SPAG16: variants seen among roughly 807,000 people sequenced by gnomAD.
SPAG16 encodes the protein sperm associated antigen 16.
A neutral mutation model predicts 80.4 loss-of-function variants in SPAG16; 86 were observed. The ratio of observed to expected loss-of-function variants is 1.07; its 90% CI spans 0.90 to 1.28. The LOEUF (loss-of-function observed/expected upper bound fraction) is 1.28. SPAG16 is among the 50% of genes most tolerant of loss of function. The probability of loss-of-function intolerance (pLI) is 0.00; values close to 1 mark genes in which losing one functional copy is unlikely to be tolerated. For missense variants in SPAG16, 870 were observed against 765.3 expected (o/e 1.14, Z -1.61); for synonymous variants, 294 against 265.9 (o/e 1.11, Z -1.03).
At chr2:213,725,499 G>A (rs1427934933) in intron 10 of SPAG16, among the ~76,000 whole-genome samples, 1 of 152,138 alleles carries the variant, frequency 6.6e-6, no homozygotes, top group Non-Finnish European at 1.5e-5. Flanking sequence ...CTACAAAACT[G>A]GTGGCACAGA....
intron 5 of SPAG16, among the ~76,000 whole-genome samples, chr2:213,318,251 G>C (rs900492511): frequency 6.6e-6 from 1 of 151,934 alleles, no homozygotes; most frequent in African/African-American, 2.4e-5. Flanking sequence ...TGGAATCAAC[G>C]TAAGTGTCCA....
At chr2:213,980,631 A>ATG (rs1202395098) in intron 12 of SPAG16, among the ~76,000 whole-genome samples, 1 of 144,564 alleles carries the variant, frequency 6.9e-6, no homozygotes, top group Non-Finnish European at 1.5e-5. Flanking sequence ...TATAGAATAT[A>ATG]TGTGTGTATA....
At chr2:213,574,089 T>C (rs1348108332) in intron 10 of SPAG16, among the ~76,000 whole-genome samples, 2 of 152,220 alleles carry the variant, frequency 1.3e-5, no homozygotes, top group Non-Finnish European at 2.9e-5. Flanking sequence ...TTTGATATGT[T>C]TATTTTTATC....
At chr2:213,359,848 G>A (rs969502203) in intron 7 of SPAG16, among the ~76,000 whole-genome samples, 1 of 152,126 alleles carries the variant, frequency 6.6e-6, no homozygotes, top group Non-Finnish European at 1.5e-5. Flanking sequence ...TCTGTCTTCT[G>A]TGTTGATCAC....
intron 10 of SPAG16, among the ~76,000 whole-genome samples, chr2:213,643,603 C>A (rs2062706554): frequency 6.7e-6 from 1 of 149,448 alleles, no homozygotes; most frequent in Non-Finnish European, 1.5e-5. Context: ...CTTTCTACCC[C>A]TATCTCTTTT....
chr2:213,358,515 A>G (rs2065798376), intron 7 of SPAG16, among the ~76,000 whole-genome samples: 1 of 152,184 alleles, frequency 6.6e-6, no homozygotes. Context: ...TCGATCTTCA[A>G]TCACTGATAT....
At chr2:213,745,620 A>G (rs1301993869) in intron 10 of SPAG16, among the ~76,000 whole-genome samples, 6 of 152,238 alleles carry the variant, frequency 3.9e-5, no homozygotes, top group Non-Finnish European at 7.3e-5. Context: ...GAAAAATAGT[A>G]TATCTGCATT....
intron 15 of SPAG16, among the ~76,000 whole-genome samples, chr2:214,289,898 TTGTC>T (rs996360085): frequency 6.6e-6 from 1 of 152,170 alleles, no homozygotes; most frequent in African/African-American, 2.4e-5. Flanking sequence ...TGTTGTGTCT[TTGTC>T]TGGTTTGGTA....
chr2:213,313,597 G>A (rs540178376), intron 4 of SPAG16, among the ~76,000 whole-genome samples: 3 of 151,668 alleles, frequency 2.0e-5, no homozygotes, highest in African/African-American at 7.2e-5. Flanking sequence ...CTAACCACAG[G>A]GCTATATTGT....
intron 6 of SPAG16, among the ~76,000 whole-genome samples, chr2:213,343,215 A>G (rs949580610): frequency 2.6e-5 from 4 of 152,152 alleles, no homozygotes; most frequent in African/African-American, 7.2e-5. Flanking sequence ...CTGACCAGCC[A>G]TAAGGGAAGT....
intron 15 of SPAG16, among the ~76,000 whole-genome samples, chr2:214,344,297 T>A (rs561059272): frequency 6.6e-6 from 1 of 152,286 alleles, no homozygotes; most frequent in South Asian, 2.1e-4. Flanking sequence ...GTATTTGAAA[T>A]AAAAACTGGC....
At chr2:214,016,618 A>T (rs1199918005) in intron 13 of SPAG16, among the ~76,000 whole-genome samples, 1 of 152,210 alleles carries the variant, frequency 6.6e-6, no homozygotes, top group East Asian at 1.9e-4. Flanking sequence ...CTTTGTTCAG[A>T]TAGGAGACAG....
chr2:214,262,751 G>T (rs548271112), intron 15 of SPAG16, among the ~76,000 whole-genome samples: 1 of 151,900 alleles, frequency 6.6e-6, no homozygotes, highest in Non-Finnish European at 1.5e-5. Context: ...TGAAATAACC[G>T]CAAATACCAC....
intron 11 of SPAG16, among the ~76,000 whole-genome samples, chr2:213,870,581 C>T (rs956325732): frequency 2.0e-4 from 31 of 152,234 alleles, no homozygotes; most frequent in South Asian, 6.2e-4. Context: ...ACTCCCAGCA[C>T]CTCAGTTGCT....
At chr2:213,692,784 T>C (rs2064998806) in intron 10 of SPAG16, among the ~76,000 whole-genome samples, 1 of 144,738 alleles carries the variant, frequency 6.9e-6, no homozygotes, top group African/African-American at 2.6e-5. Context: ...CACTCCACCC[T>C]GGGTGAAAGT....
intron 11 of SPAG16, among the ~76,000 whole-genome samples, chr2:213,894,505 G>A (rs1050728634): frequency 1.3e-5 from 2 of 152,070 alleles, no homozygotes; most frequent in African/African-American, 2.4e-5. Flanking sequence ...GGGGAAAATT[G>A]AAGACCTTTC....
chr2:213,462,345 A>G (rs1174854207), intron 9 of SPAG16, among the ~76,000 whole-genome samples: 3 of 152,248 alleles, frequency 2.0e-5, no homozygotes, highest in Non-Finnish European at 2.9e-5. Context: ...CCTCAGCCAT[A>G]AAAGCACCTC....
At chr2:214,341,945 A>T (rs1414652177) in intron 15 of SPAG16, among the ~76,000 whole-genome samples, 3 of 152,132 alleles carry the variant, frequency 2.0e-5, no homozygotes, top group East Asian at 1.9e-4. Context: ...CAAGGCAAAA[A>T]GCACCGTTAA....
chr2:213,317,432 G>A (rs1240671657), intron 5 of SPAG16, 76 bp downstream of exon 5: 2 of 1,453,316 alleles, frequency 1.4e-6, no homozygotes, highest in Non-Finnish European at 1.8e-6. Flanking sequence ...GCTGATATAT[G>A]TAATATACCA....
Sources: gnomAD v4.1 joint callset for allele counts (sites outside exome capture counted in the v4.1 genomes callset) on GRCh38, gnomAD v4.1.1 for gene constraint, MANE v1.5 for transcripts, NCBI Gene and HGNC (gene_info 2026-07-23, HGNC 2026-07-21) for gene names.